The following MAP7D2 variants were observed in gnomAD, a reference collection of about 807,000 sequenced individuals.
The protein encoded by MAP7D2 is MAP7 domain containing 2, also known as MAP7 domain-containing protein 2.
MAP7D2 carries 33 observed loss-of-function variants against 63.5 expected under a neutral mutation model. The ratio of observed to expected loss-of-function variants is 0.52; its 90% CI spans 0.39 to 0.70. The LOEUF is 0.70. MAP7D2 is among the 30% of genes least tolerant of loss of function. The probability of loss-of-function intolerance (pLI) is 0.00; values close to 1 mark genes in which losing one functional copy is unlikely to be tolerated. For synonymous variants in MAP7D2, 224 were observed against 223.7 expected (o/e 1.00, Z -0.01); for missense variants, 626 against 604.0 (o/e 1.04, Z -0.38).
At chrX:20,116,186 G>A (rs1434572192) in intron 1 of MAP7D2, among the ~76,000 whole-genome samples, 1 of 113,010 alleles carries the variant, frequency 8.8e-6, no homozygotes, top group African/African-American at 3.2e-5. Context: ...GAGCGCATCC[G>A]GGCGGGAGGA....
chrX:20,073,728 G>A (rs1198657404), intron 1 of MAP7D2, among the ~76,000 whole-genome samples: 2 of 106,512 alleles, frequency 1.9e-5, no homozygotes, highest in Non-Finnish European at 3.9e-5. Flanking sequence ...GGGTTTCACC[G>A]TGTTAGCCAG....
At chrX:20,026,539 G>T (rs2073849572) in intron 8 of MAP7D2, among the ~76,000 whole-genome samples, 1 of 111,666 alleles carries the variant, frequency 9.0e-6, no homozygotes, top group African/African-American at 3.3e-5. Flanking sequence ...ATTTTACTTA[G>T]CAAGTCTTCA....
chrX:20,101,616 A>G (rs1015094907), intron 1 of MAP7D2, among the ~76,000 whole-genome samples: 1 of 112,400 alleles, frequency 8.9e-6, no homozygotes, highest in Non-Finnish European at 1.9e-5. Context: ...TAAAAGTTTT[A>G]GTCAAAAGAA....
intron 1 of MAP7D2, among the ~76,000 whole-genome samples, chrX:20,084,726 G>A (rs774093035): frequency 2.2e-4 from 24 of 109,514 alleles, no homozygotes; most frequent in Admixed American, 3.9e-4. Context: ...GCACCACCAC[G>A]CCCAGCTAAT....
chrX:20,086,627 G>C (rs765852412), intron 1 of MAP7D2, among the ~76,000 whole-genome samples: 3 of 111,316 alleles, frequency 2.7e-5, no homozygotes, highest in African/African-American at 9.8e-5. Context: ...AGTTGTTAAA[G>C]AATTTGGGAG....
intron 8 of MAP7D2, among the ~76,000 whole-genome samples, chrX:20,039,582 C>A (rs1181129058): frequency 9.0e-6 from 1 of 111,582 alleles, no homozygotes; most frequent in Non-Finnish European, 1.9e-5. Flanking sequence ...TTGAAGGATG[C>A]AAAGTATTGT....
chrX:20,093,427 C>A (rs146405016), intron 1 of MAP7D2, among the ~76,000 whole-genome samples: 3 of 111,788 alleles, frequency 2.7e-5, no homozygotes, highest in Non-Finnish European at 5.6e-5. Context: ...GAGGCTGAGG[C>A]AGAAGGACTA....
rs774440030 is a variant in MAP7D2 at position 20,087,089 on chromosome X, TG to T, written c.131-22285del. Reference sequence around the variant, plus strand: ...GCAGTCTGACTCCAGAATAACACATTGGTGGGGGGAGTGACAGTTGCCTAGA... The same window carrying T: ...GCAGTCTGACTCCAGAATAACACATTGTGGGGGGAGTGACAGTTGCCTAGA... On this transcript the variant is annotated intron_variant, in intron 1 of 16. Coordinates refer to ENST00000379643, the MANE Select transcript of MAP7D2 (RefSeq NM_001168465.2). 7.0e-4 allele frequency among the ~76,000 whole-genome samples: 79 copies of T among 112,166 alleles called. No individual in the cohort carries two copies. The South Asian group carries it at 0.011, about 15-fold the overall frequency.
rs368195723 is a variant in MAP7D2, at chrX:20,013,004, G to A, written c.1885+50C>T. ...CTGTTTACCCTACACCAAGTCTTAC[G>A]AGCTTTTGCTACTAAAAGGAAGAAC... On this transcript the variant is annotated intron_variant, in intron 14 of 16. Transcript: ENST00000379643. 43 of 1,054,580 alleles carry A rather than the reference G, an allele frequency of 4.1e-5. No homozygotes were observed. In the East Asian group the frequency reaches 4.3e-4, roughly 10 times the overall value. 86.9% of individuals were successfully genotyped at this position (1,054,580 alleles called of 1,213,427 possible).
At position 20,042,584 on chromosome X, in the gene MAP7D2, C is replaced by A. The variant is rs1761306331; in HGVS notation, c.925G>T (p.Val309Phe). 2 of 1,210,111 alleles carry A rather than the reference C, an allele frequency of 1.7e-6. No homozygotes were observed. Among genetic ancestry groups the A allele is most frequent in the Non-Finnish European group, 2.2e-6 (2 of 895,197 alleles). The change falls in exon 8 of 17, where the codon GTT (valine) becomes TTT (phenylalanine). Residue 309 changes from valine to phenylalanine, a missense_variant. Transcript: ENST00000379643. ...CTCAGAGGGGACCCGAAGTTCACAA[C>A]AGGAAGAGAAGTTGCTGTTCGTTGC... ...RGQRTATSLP[V>F]VNFGSPLRRC...
intron 1 of MAP7D2, among the ~76,000 whole-genome samples, chrX:20,068,709 C>G (rs2065421056): frequency 8.9e-6 from 1 of 111,993 alleles, no homozygotes; most frequent in Admixed American, 9.5e-5. Context: ...GAGATGCCCT[C>G]TAAAGACACA....
At chrX:20,085,751 G>C (rs1459900473) in intron 1 of MAP7D2, among the ~76,000 whole-genome samples, 1 of 112,053 alleles carries the variant, frequency 8.9e-6, no homozygotes, top group Admixed American at 9.4e-5. Context: ...TCACTCTGCT[G>C]CCCAGGATGG....
chrX:20,116,867 C>A lies in MAP7D2; in HGVS notation c.13G>T (p.Gly5Cys). The change falls in exon 1 of 17, where the codon GGC (glycine) becomes TGC (cysteine). Residue 5 changes from glycine (G) to cysteine (C), a missense_variant. Coordinates refer to ENST00000379643, the MANE Select transcript of MAP7D2 (RefSeq NM_001168465.2). ...CGGGATCCCGTCCCGGAGCCGCCGC[C>A]GCCGCGCTCCATCGGGATGCGCCGG... Reference protein sequence around the residue: MERGGGGSGTGSRPE... With the variant: MERGCGGSGTGSRPE... 2.6e-6 allele frequency: 3 copies of A among 1,139,385 alleles called. No homozygotes were observed. The highest frequency in any genetic ancestry group is 3.7e-5 in the African/African-American group (2 of 54,374). The allele number at this position is 1,139,385 out of a possible 1,213,427, so 93.9% of individuals were successfully genotyped here.
chrX:20,008,650 T>C (rs1013217039), intron 16 of MAP7D2, among the ~76,000 whole-genome samples: 4 of 111,991 alleles, frequency 3.6e-5, no homozygotes, highest in Non-Finnish European at 7.5e-5. Context: ...TGCAGATATT[T>C]AATGTCTCAA....
At chrX:20,104,121 G>A (rs1220060070) in intron 1 of MAP7D2, among the ~76,000 whole-genome samples, 1 of 111,483 alleles carries the variant, frequency 9.0e-6, no homozygotes, top group Non-Finnish European at 1.9e-5. Flanking sequence ...GAAGATTAGG[G>A]ATATGTGGAG....
intron 1 of MAP7D2, among the ~76,000 whole-genome samples, chrX:20,084,891 C>T (rs925571770): frequency 2.7e-5 from 3 of 111,345 alleles, no homozygotes; most frequent in African/African-American, 9.8e-5. Flanking sequence ...TGTATCTAAA[C>T]GCCTTATTAG....
chrX:20,065,455 T>C (rs1455582614), intron 1 of MAP7D2, among the ~76,000 whole-genome samples: 1 of 109,299 alleles, frequency 9.1e-6, no homozygotes, highest in Non-Finnish European at 1.9e-5. Flanking sequence ...TTAGTAGAGA[T>C]GGGGTTTCAT....
At position 20,064,707 on chromosome X, in the gene MAP7D2, T is replaced by C. The variant is rs760523711; in HGVS notation, c.208+21A>G. On this transcript the variant is annotated intron_variant, in intron 2 of 16. Transcript: ENST00000379643. ...ATATCTCCACTCCCTTGGACCAAAA[T>C]AGCCAAAGTGCATAACTTACCCAGA... 1.2e-5 allele frequency: 14 copies of C among 1,196,506 alleles called. No individual in the cohort carries two copies. In the African/African-American group the frequency reaches 1.4e-4, roughly 12 times the overall value.
chrX:20,037,924 CCT>C (rs2064542245), intron 8 of MAP7D2, among the ~76,000 whole-genome samples: 1 of 111,763 alleles, frequency 8.9e-6, no homozygotes, highest in African/African-American at 3.3e-5. Context: ...TCCCCAGCCA[CCT>C]CTGTCATTGC....
Sources: gnomAD v4.1 joint callset for allele counts (sites outside exome capture counted in the v4.1 genomes callset) on GRCh38, gnomAD v4.1.1 for gene constraint, MANE v1.5 for transcripts, NCBI Gene and HGNC (gene_info 2026-07-23, HGNC 2026-07-21) for gene names.